The following NEK8 variants were observed in gnomAD, a reference collection of about 807,000 sequenced individuals.
NEK8 encodes the protein serine/threonine-protein kinase Nek8.
In NEK8, 51 loss-of-function variants were observed where a neutral mutation model predicts 77.2. The observed-to-expected ratio is 0.66, with a 90% CI of 0.53 to 0.83. The LOEUF (loss-of-function observed/expected upper bound fraction) is 0.83. NEK8 is among the 40% of genes least tolerant of loss of function. NEK8 has a pLI of 0.00. For missense variants in NEK8, 787 were observed against 909.2 expected, an observed-to-expected ratio of 0.87 and a Z score of 1.73; for synonymous variants, 365 against 363.2, an observed-to-expected ratio of 1.00 and a Z score of -0.06.
At chr17:28,734,612 A>T in intron 2 of NEK8, 160 bp from the exon 3 acceptor site, 1 of 623,088 alleles carries the variant, frequency 1.6e-6, no homozygotes, top group Non-Finnish European at 2.8e-6. Context: ...TGAACCCGGG[A>T]GGGGGGGCTT....
At position 28,741,254 on chromosome 17, in the gene NEK8, TG is replaced by T; in HGVS notation, c.1891+23del. ...TGGGGCAGGTGAGGACTGAGCATGGTGGGGGCAGACAGTGCCATGAGCAGTG... is the reference window on the plus strand; with the variant it reads ...TGGGGCAGGTGAGGACTGAGCATGGTGGGGCAGACAGTGCCATGAGCAGTG... On this transcript the variant is annotated intron_variant, in intron 13 of 14. Coordinates refer to ENST00000268766, the MANE Select transcript of NEK8 (RefSeq NM_178170.3). The surrounding 1 kb of genome is among the most constrained non-coding windows in gnomAD (Gnocchi z 4.5). 1.3e-6 allele frequency: 2 copies of T among 1,578,038 alleles called. No individual in the cohort carries two copies. Among genetic ancestry groups the T allele is most frequent in the Non-Finnish European group, 1.7e-6 (2 of 1,161,532 alleles).
chr17:28,739,119 GGT>G lies in NEK8; in HGVS notation c.1337_1338del (p.Val446AlafsTer15). The G allele has an allele frequency of 1.2e-6, 2 of 1,614,140 alleles. No homozygotes were observed. The highest frequency in any genetic ancestry group is 1.7e-6 in the Non-Finnish European group (2 of 1,179,964). ...TGGAGGCTTTGCTGGGCTATGAAATGGTGCAGGTGGCCTGTGGGGCCTCTCAC... is the reference window on the plus strand; with the variant it reads ...TGGAGGCTTTGCTGGGCTATGAAATGGCAGGTGGCCTGTGGGGCCTCTCAC... ...IVEALLGYEM[V>X]QVACGASHVL... is the part of the protein sequence containing the mutation. On this transcript the variant is annotated frameshift_variant, in exon 10 of 15. Coordinates refer to ENST00000268766, the MANE Select transcript of NEK8 (RefSeq NM_178170.3). LOFTEE classifies it high-confidence loss of function.
Position 28,735,021 on chromosome 17 carries a change from G to T in NEK8, c.486+17G>T, listed in dbSNP as rs750821711. ...GCCTACACGGTGCCTGGGCATGGAAGGGACCTCCAGGGCACTAGAAGTCTT... is the reference window on the plus strand; with the variant it reads ...GCCTACACGGTGCCTGGGCATGGAATGGACCTCCAGGGCACTAGAAGTCTT... On this transcript the variant is annotated intron_variant, in intron 3 of 14. Coordinates refer to ENST00000268766, the MANE Select transcript of NEK8 (RefSeq NM_178170.3). The T allele has an allele frequency of 3.8e-6, 6 of 1,582,670 alleles. No individual in the cohort carries two copies. In the African/African-American group the frequency reaches 6.7e-5, roughly 18 times the overall value.
At position 28,742,570 on chromosome 17, in the gene NEK8, A is replaced by G. The variant is rs935624682; in HGVS notation, c.*583A>G. On this transcript the variant is annotated 3_prime_UTR_variant, in exon 15 of 15. Coordinates refer to ENST00000268766, the MANE Select transcript of NEK8 (RefSeq NM_178170.3). ...TCCGTCTCAAAAAAAAAAAAAAAAC[A>G]AAAAAGGCTGAAGGCAGCTGTAGCT... 1 of 166,584 alleles carries G rather than the reference A, an allele frequency of 6.0e-6. No homozygotes were observed. Among genetic ancestry groups the G allele is most frequent in the African/African-American group, 2.4e-5 (1 of 41,200 alleles). The allele number at this position is 166,584 out of a possible 1,614,324, so 10.3% of individuals were successfully genotyped here.
rs373739135 is a variant in NEK8, at chr17:28,740,429, C to T, written c.1418-34C>T. 3.3e-4 allele frequency: 526 copies of T among 1,612,140 alleles called. 1 individual carries two copies. The highest frequency in any genetic ancestry group is 8.2e-4 in the Middle Eastern group (5 of 6,080). On this transcript the variant is annotated intron_variant, in intron 10 of 14. Coordinates refer to ENST00000268766, the MANE Select transcript of NEK8 (RefSeq NM_178170.3). This position sits in a 1 kb window ranked among gnomAD's most constrained non-coding sequence, Gnocchi z 4.7. ...CATTCGGGCATCACCCCCACTAAAG[C>T]TCAAATTAACTCCTTCTGGGTTTCT...
At position 28,734,091 on chromosome 17, in the gene NEK8, C is replaced by T. The variant is rs780124748; in HGVS notation, c.156C>T (p.Cys52=). Residue 52 remains cysteine, a synonymous_variant, in exon 2 of 15, where the codon TGC becomes TGT. Coordinates refer to ENST00000268766, the MANE Select transcript of NEK8 (RefSeq NM_178170.3). ...AGCGGCAGGCAGCCCAGAATGAGTG[C>T]CAGGTCCTCAAGCTGCTCAACCACC... ...KEERQAAQNE[C]QVLKLLNHPN... The T allele has an allele frequency of 6.2e-7, 1 of 1,613,896 alleles. No individual in the cohort carries two copies. Among genetic ancestry groups the T allele is most frequent in the Non-Finnish European group, 8.5e-7 (1 of 1,179,898 alleles).
rs774611762 is a variant in NEK8, at chr17:28,740,847, C to T, written c.1594C>T (p.Leu532Phe). The change falls in exon 12 of 15, where the codon CTC becomes TTC. Residue 532 changes from leucine to phenylalanine, a missense_variant. Transcript: ENST00000268766. The surrounding 1 kb of genome is among the most constrained non-coding windows in gnomAD (Gnocchi z 4.7). ...GTTCAACAAGCTGGGCCTGGACCAC[C>T]TCTCCCTGGGGGAGGAGCCTGTCCC... ...NRFNKLGLDH[L>F]SLGEEPVPHQ... 1 of 1,613,930 alleles carries T rather than the reference C, an allele frequency of 6.2e-7. No homozygotes were observed. Among genetic ancestry groups the T allele is most frequent in the African/African-American group, 1.3e-5 (1 of 74,938 alleles).
chr17:28,734,928 A>G lies in NEK8; in HGVS notation c.410A>G (p.Asp137Gly). ...RDLKTQNILL[D>G]KHRMVVKIGD... ...CTCAAGACCCAGAACATCCTGCTTG[A>G]CAAACACCGCATGGTCGTCAAGATC... is the stretch of plus-strand genomic sequence containing the variant. Residue 137 changes from aspartate (D) to glycine (G), a missense_variant, in exon 3 of 15, where the codon GAC becomes GGC. By Grantham distance (94) the Asp-to-Gly change is moderately conservative. Coordinates refer to ENST00000268766, the MANE Select transcript of NEK8 (RefSeq NM_178170.3). 3 of 1,613,754 alleles carry G rather than the reference A, an allele frequency of 1.9e-6. No homozygotes were observed. Among genetic ancestry groups the G allele is most frequent in the East Asian group, 4.5e-5 (2 of 44,852 alleles).
Position 28,738,565 on chromosome 17 carries a change from T to G in NEK8, c.1223-106T>G. The G allele has an allele frequency of 3.1e-6, 3 of 983,464 alleles. No homozygotes were observed. The Admixed American group carries it at 5.5e-5, about 18-fold the overall frequency. The allele number at this position is 983,464 out of a possible 1,614,324, so 60.9% of individuals were successfully genotyped here. On this transcript the variant is annotated intron_variant, in intron 8 of 14. Transcript: ENST00000268766. ...TCTTCCTATCCCATCCTTCCAGCCC[T>G]GGTCCCCAACTTTATTTTGCTGCTG...
rs757406230 is a variant in NEK8, at chr17:28,737,554, G to A, written c.827+40G>A. The A allele has an allele frequency of 2.5e-6, 4 of 1,612,772 alleles. No homozygotes were observed. Among genetic ancestry groups the A allele is most frequent in the Admixed American group, 3.3e-5 (2 of 59,836 alleles). On this transcript the variant is annotated intron_variant, in intron 5 of 14. Coordinates refer to ENST00000268766, the MANE Select transcript of NEK8 (RefSeq NM_178170.3). The surrounding 1 kb of genome is among the most constrained non-coding windows in gnomAD (Gnocchi z 4.8). ...AGCGAGCGGTCCTGGGCGGCAGGGT[G>A]TGGGCACCCAGTGGGAGCACAGGAG...
chr17:28,736,055 C>T (rs1295073975), intron 4 of NEK8, among the ~76,000 whole-genome samples: 1 of 151,376 alleles, frequency 6.6e-6, no homozygotes, highest in African/African-American at 2.4e-5. Flanking sequence ...CGATAGTTTG[C>T]TGAGAATGAT....
At position 28,741,903 on chromosome 17, in the gene NEK8, A is replaced by G; in HGVS notation, c.2051-56A>G. The G allele has an allele frequency of 6.3e-7, 1 of 1,593,354 alleles. No homozygotes were observed. The highest frequency in any genetic ancestry group is 1.1e-5 in the South Asian group (1 of 90,692). ...CAGTGGGAGTGGGAGGTGGGTGATG[A>G]TTTCTGGAGGCACTGCCCTCAGAAG... On this transcript the variant is annotated intron_variant, in intron 14 of 14. Transcript: ENST00000268766. This position sits in a 1 kb window ranked among gnomAD's most constrained non-coding sequence, Gnocchi z 4.5.
chr17:28,737,978 C>T lies in NEK8; in HGVS notation c.1049C>T (p.Ser350Phe), dbSNP rs746794190. 3 of 1,611,948 alleles carry T rather than the reference C, an allele frequency of 1.9e-6. No homozygotes were observed. The highest frequency in any genetic ancestry group is 1.7e-5 in the Admixed American group (1 of 59,972). ...ACGCAGAAAGCCGGCGTCACGCGCT[C>T]TGGGCGTCTCATCCTGTGGGAGGTG... Reference protein sequence around the residue: ...GRTQKAGVTRSGRLILWEAPP... With the variant: ...GRTQKAGVTRFGRLILWEAPP... Residue 350 changes from serine (S) to phenylalanine (F), a missense_variant, in exon 7 of 15, where the codon TCT becomes TTT. Coordinates refer to ENST00000268766, the MANE Select transcript of NEK8 (RefSeq NM_178170.3). This position sits in a 1 kb window ranked among gnomAD's most constrained non-coding sequence, Gnocchi z 4.8.
At chr17:28,734,417 C>G (rs1043563057) in intron 2 of NEK8, 6 of 593,248 alleles carry the variant, frequency 1.0e-5, no homozygotes, top group African/African-American at 1.9e-5. Context: ...TGCCTGTAAT[C>G]TCAGCACTTT....
At chr17:28,735,760 C>T (rs2034357943) in intron 4 of NEK8, among the ~76,000 whole-genome samples, 1 of 151,422 alleles carries the variant, frequency 6.6e-6, no homozygotes, top group South Asian at 2.1e-4. Flanking sequence ...GAGGGCAAAG[C>T]TGTTATTGTT....
At chr17:28,730,902 GAC>G (rs2034300237) in intron 1 of NEK8, among the ~76,000 whole-genome samples, 1 of 152,036 alleles carries the variant, frequency 6.6e-6, no homozygotes, top group Admixed American at 6.6e-5. Context: ...CAACTTGGTT[GAC>G]AGAGTGAGAA....
intron 2 of NEK8, chr17:28,734,512 A>G (rs1363017372): frequency 2.0e-5 from 11 of 562,178 alleles, no homozygotes; most frequent in Non-Finnish European, 3.2e-5. Flanking sequence ...CGTCTCTACT[A>G]AAAATACAAA....
At chr17:28,732,920 C>G (rs907242890) in intron 1 of NEK8, 2 of 152,168 alleles carry the variant, frequency 1.3e-5, no homozygotes, top group African/African-American at 4.8e-5. Flanking sequence ...GTCACCCAGG[C>G]TGGAGTGCAG....
rs1243900532 is a variant in NEK8 at position 28,734,772 on chromosome 17, G to A, written c.254G>A (p.Gly85Asp). The A allele has an allele frequency of 6.2e-7, 1 of 1,610,940 alleles. No homozygotes were observed. ...TCTTGATTAGTCCCTTGGGCCACAG[G>A]CGGCACTCTGGCTGAGTTCATCCAA... Reference protein sequence around the residue: ...ALMIAMEYAPGGTLAEFIQKR... With the variant: ...ALMIAMEYAPDGTLAEFIQKR... The change falls in exon 3 of 15, where the codon GGC becomes GAC. Residue 85 changes from glycine (G) to aspartate (D), a missense_variant and splice_region_variant. Coordinates refer to ENST00000268766, the MANE Select transcript of NEK8 (RefSeq NM_178170.3).
Sources: allele counts gnomAD v4.1 joint callset (sites outside exome capture counted in the v4.1 genomes callset), GRCh38; gene constraint gnomAD v4.1.1; non-coding constraint Gnocchi (gnomAD v3.1); transcripts MANE v1.5; gene names NCBI Gene and HGNC (gene_info 2026-07-23, HGNC 2026-07-21).